The following GPHN variants were observed in gnomAD, a reference collection of about 807,000 sequenced individuals.
GPHN encodes gephyrin.
A neutral mutation model predicts 95.5 loss-of-function variants in GPHN; 17 were observed. The ratio of observed to expected loss-of-function variants is 0.18; its 90% CI spans 0.12 to 0.27. GPHN has a LOEUF of 0.27. Among genes scored for constraint, GPHN ranks in the 10% least tolerant of loss-of-function variants. The pLI, the probability that GPHN is intolerant of heterozygous loss-of-function variation, is 1.00. For synonymous variants in GPHN, 320 were observed against 322.5 expected (o/e 0.99, Z 0.08); for missense variants, 660 against 978.1 (o/e 0.67, Z 4.34).
the GPHN span, chr14:67,320,312 G>C: frequency 5.0e-5 from 81 of 1,613,856 alleles, no homozygotes; most frequent in Non-Finnish European, 6.2e-5. Context: ...CTATCATCTT[G>C]ATTGGTCCAC....
At chr14:67,707,356 C>G in the GPHN span, among the ~76,000 whole-genome samples, 10 of 152,268 alleles carry the variant, frequency 6.6e-5, no homozygotes, top group South Asian at 1.2e-3. Context: ...CCCATTTTTA[C>G]TAAAGACAAA....
Position 66,947,576 on chromosome 14 carries a change from C to T in GPHN, c.829-17615C>T, listed in dbSNP as rs192856180. ...CCATGAAAACATATGATGCATCATT[C>T]GTCTTGATGGAATCAATGTCTATTA... is the stretch of plus-strand genomic sequence containing the variant. On this transcript the variant is annotated intron_variant, in intron 8 of 22. Transcript: ENST00000478722. Among the ~76,000 whole-genome samples, 7 of 152,206 alleles carry T rather than the reference C, an allele frequency of 4.6e-5. No homozygotes were observed. In the East Asian group the frequency reaches 5.8e-4, roughly 13 times the overall value.
the GPHN span, chr14:67,201,468 T>C: frequency 2.2e-6 from 1 of 456,040 alleles, no homozygotes; most frequent in South Asian, 1.5e-5. Flanking sequence ...AACAGGACAA[T>C]GATAGCTGCC....
the GPHN span, chr14:67,295,049 G>T: frequency 6.6e-6 from 1 of 152,096 alleles, no homozygotes; most frequent in African/African-American, 2.4e-5. Context: ...ACCTTTAAGA[G>T]AGTAAAAATG....
intron 2 of GPHN, among the ~76,000 whole-genome samples, chr14:66,684,300 G>A (rs2067194697): frequency 6.6e-6 from 1 of 152,154 alleles, no homozygotes; most frequent in African/African-American, 2.4e-5. Flanking sequence ...GGCTTATCTA[G>A]TCAATATTGA....
Position 66,596,373 on chromosome 14 carries a change from A to G in GPHN, c.65-84734A>G, listed in dbSNP as rs80000839. On this transcript the variant is annotated intron_variant, in intron 1 of 22. Transcript: ENST00000478722. Reference sequence around the variant, plus strand: ...TTTCACCAGGTACCTGCCCCTTTCCATCTAGGCCTGTCTGCCTCCTGCTGC... The same window carrying G: ...TTTCACCAGGTACCTGCCCCTTTCCGTCTAGGCCTGTCTGCCTCCTGCTGC... Among the ~76,000 whole-genome samples the G allele has an allele frequency of 3.7e-3, 557 of 151,956 alleles. 12 individuals are homozygous for G. The highest frequency in any genetic ancestry group is 0.013 in the African/African-American group (530 of 41,480).
chr14:67,268,782 G>A, the GPHN span, among the ~76,000 whole-genome samples: 1 of 152,130 alleles, frequency 6.6e-6, no homozygotes, highest in Non-Finnish European at 1.5e-5. Flanking sequence ...ACTTTGTGCT[G>A]ACCTCCTATC....
chr14:66,968,917 T>C (rs987056707), intron 9 of GPHN: 12 of 152,162 alleles, frequency 7.9e-5, no homozygotes, highest in Non-Finnish European at 1.5e-4. Context: ...AACCAATATA[T>C]AGATATATTG....
intron 1 of GPHN, among the ~76,000 whole-genome samples, chr14:66,513,874 A>T (rs1204753919): frequency 6.6e-6 from 1 of 151,946 alleles, no homozygotes; most frequent in Admixed American, 6.5e-5. Context: ...CTTCTTGAAA[A>T]TTTTGTGTTT....
chr14:67,388,519 G>C, the GPHN span, among the ~76,000 whole-genome samples: 1 of 152,168 alleles, frequency 6.6e-6, no homozygotes, highest in Non-Finnish European at 1.5e-5. Flanking sequence ...GCCCATCAAT[G>C]TTGCAGTTAC....
intron 11 of GPHN, among the ~76,000 whole-genome samples, chr14:67,064,869 C>T (rs1004987792): frequency 2.0e-5 from 3 of 151,280 alleles, no homozygotes; most frequent in African/African-American, 7.3e-5. Context: ...TTTTGTCGAT[C>T]CTTTCAAAAA....
At chr14:67,243,350 G>C in the GPHN span, among the ~76,000 whole-genome samples, 3 of 148,506 alleles carry the variant, frequency 2.0e-5, no homozygotes, top group Non-Finnish European at 4.5e-5. Flanking sequence ...ACCACACCTG[G>C]CTAATTTTTG....
At chr14:66,924,428 GT>G (rs2066374907) in intron 8 of GPHN, 136 bp downstream of exon 8, 2 of 696,876 alleles carry the variant, frequency 2.9e-6, no homozygotes, top group African/African-American at 3.5e-5. Context: ...TTGTGAAAGT[GT>G]GAGTGCCATT....
chr14:66,622,044 C>T (rs111621744), intron 1 of GPHN, among the ~76,000 whole-genome samples: 3 of 152,188 alleles, frequency 2.0e-5, no homozygotes, highest in Non-Finnish European at 4.4e-5. Flanking sequence ...ACTGCCCTAG[C>T]AGAGGTTCTT....
the GPHN span, among the ~76,000 whole-genome samples, chr14:67,490,247 G>A: frequency 1.4e-3 from 210 of 152,308 alleles, no homozygotes; most frequent in African/African-American, 4.9e-3. Flanking sequence ...TGTCTCTGCA[G>A]GTGAAGGAAG....
At chr14:67,026,885 G>A (rs184665502) in intron 10 of GPHN, among the ~76,000 whole-genome samples, 1,830 of 152,172 alleles carry the variant, frequency 0.012, 19 homozygotes, top group Non-Finnish European at 0.018. Flanking sequence ...CTCGTGATCC[G>A]CCCACCTCGG....
At chr14:67,513,684 T>C in the GPHN span, among the ~76,000 whole-genome samples, 2 of 152,172 alleles carry the variant, frequency 1.3e-5, no homozygotes, top group Admixed American at 1.3e-4. Flanking sequence ...CTTGTATCAT[T>C]AGGTCATTCA....
At chr14:66,772,113 G>GAA (rs79406734) in intron 2 of GPHN, among the ~76,000 whole-genome samples, 4 of 133,206 alleles carry the variant, frequency 3.0e-5, no homozygotes, top group Admixed American at 7.4e-5. Context: ...TGTCCTTTAG[G>GAA]AAAAAAAAAA....
the GPHN span, among the ~76,000 whole-genome samples, chr14:67,259,416 G>A: frequency 6.6e-6 from 1 of 151,840 alleles, no homozygotes; most frequent in Non-Finnish European, 1.5e-5. Flanking sequence ...TTTGAGACCA[G>A]CCTGGCCAAC....
Sources: gnomAD v4.1 joint callset for allele counts (sites outside exome capture counted in the v4.1 genomes callset) on GRCh38, gnomAD v4.1.1 for gene constraint, MANE v1.5 for transcripts, NCBI Gene and HGNC (gene_info 2026-07-23, HGNC 2026-07-21) for gene names.